The following DPY19L1 variants were observed in gnomAD, a reference collection of about 807,000 sequenced individuals.
DPY19L1 encodes protein C-mannosyl-transferase DPY19L1.
Under a neutral mutation model 96.9 loss-of-function variants are expected in DPY19L1, and 35 were observed. The observed-to-expected ratio is 0.36, with a 90% CI of 0.28 to 0.48. The LOEUF is 0.48. DPY19L1 is among the 20% of genes least tolerant of loss of function. DPY19L1 has a pLI of 0.99. For missense variants in DPY19L1, 521 were observed against 777.9 expected, an observed-to-expected ratio of 0.67 and a Z score of 3.93; for synonymous variants, 205 against 252.6, an observed-to-expected ratio of 0.81 and a Z score of 1.79.
intron 7 of DPY19L1, among the ~76,000 whole-genome samples, chr7:34,981,372 G>A (rs1052986959): frequency 1.3e-5 from 2 of 152,162 alleles, no homozygotes; most frequent in Non-Finnish European, 2.9e-5. Context: ...CATTTGCAAT[G>A]GCTAATGTAA....
intron 9 of DPY19L1, among the ~76,000 whole-genome samples, chr7:34,968,508 C>A (rs376331): frequency 1.3e-5 from 2 of 152,088 alleles, no homozygotes; most frequent in Admixed American, 6.5e-5. Flanking sequence ...CAGTGGCTCA[C>A]GCCTGTAATC....
intron 6 of DPY19L1, among the ~76,000 whole-genome samples, chr7:35,002,181 A>C (rs1350022809): frequency 1.3e-5 from 2 of 151,648 alleles, no homozygotes; most frequent in African/African-American, 4.8e-5. Flanking sequence ...CCACACACAC[A>C]AGCTAGAAGA....
intron 10 of DPY19L1, among the ~76,000 whole-genome samples, chr7:34,959,925 T>TTA (rs66774079): frequency 3.9e-5 from 5 of 127,954 alleles, no homozygotes; most frequent in Non-Finnish European, 8.4e-5. Flanking sequence ...ATATATATAT[T>TTA]TATATATATA....
chr7:35,013,823 G>A, intron 3 of DPY19L1, 118 bp from the exon 4 acceptor site: 1 of 662,402 alleles, frequency 1.5e-6, no homozygotes, highest in East Asian at 3.2e-5. Flanking sequence ...TTAATACAAT[G>A]AATTTCACAG....
At chr7:34,968,859 A>G (rs1205539539) in intron 9 of DPY19L1, among the ~76,000 whole-genome samples, 1 of 151,530 alleles carries the variant, frequency 6.6e-6, no homozygotes. Context: ...ACGCAGGGAG[A>G]AAAATGAATA....
At chr7:34,956,718 T>C (rs1475664963) in intron 11 of DPY19L1, among the ~76,000 whole-genome samples, 4 of 152,016 alleles carry the variant, frequency 2.6e-5, no homozygotes, top group African/African-American at 9.7e-5. Flanking sequence ...TTAGCCAGGA[T>C]GGTCTCGATC....
intron 8 of DPY19L1, among the ~76,000 whole-genome samples, chr7:34,971,661 G>A (rs1383553313): frequency 1.3e-5 from 2 of 152,124 alleles, no homozygotes; most frequent in Admixed American, 1.3e-4. Flanking sequence ...GTAAAGACAG[G>A]TATTAAGACG....
chr7:35,028,778 G>A (rs1399380272), intron 1 of DPY19L1, among the ~76,000 whole-genome samples: 1 of 152,196 alleles, frequency 6.6e-6, no homozygotes, highest in Admixed American at 6.5e-5. Context: ...TAAACAAGGG[G>A]TGGATTATTC....
chr7:34,966,926 A>G lies in DPY19L1; in HGVS notation c.1060T>C (p.Cys354Arg), dbSNP rs1784622599. 2 of 1,545,834 alleles carry G rather than the reference A, an allele frequency of 1.3e-6. No homozygotes were observed. Among genetic ancestry groups the G allele is most frequent in the Non-Finnish European group, 1.7e-6 (2 of 1,147,526 alleles). The part of the protein sequence containing the change: ...AVYVVGYIDI[C>R]KLRKIIYIHM... The stretch of plus-strand genomic sequence containing the variant: ...ATATAAATGATCTTCCGTAATTTAC[A>G]TATATCAATGTACCCGACAACATAT... Residue 354 changes from cysteine to arginine, a missense_variant, in exon 10 of 22, where the codon TGT becomes CGT. Transcript: ENST00000638088.
At chr7:35,017,850 G>A in intron 3 of DPY19L1, 32 bp downstream of exon 3, 1 of 1,468,206 alleles carries the variant, frequency 6.8e-7, no homozygotes, top group Non-Finnish European at 9.4e-7. Flanking sequence ...AATTCCTAAA[G>A]TACTATGATG....
In DPY19L1 at chr7:34,966,904, T is replaced by C; in HGVS notation, c.1082A>G (p.Tyr361Cys). The change falls in exon 10 of 22, where the codon TAT becomes TGT. Residue 361 changes from tyrosine (Y) to cysteine (C), a missense_variant. Transcript: ENST00000638088. ...IDICKLRKII[Y>C]IHMISLALCF... The stretch of plus-strand genomic sequence containing the variant: ...ATAAAAAATTATTACCATGTGTATA[T>C]AAATGATCTTCCGTAATTTACATAT... 1 of 1,536,660 alleles carries C rather than the reference T, an allele frequency of 6.5e-7. No individual in the cohort carries two copies. The highest frequency in any genetic ancestry group is 8.8e-7 in the Non-Finnish European group (1 of 1,141,210).
intron 6 of DPY19L1, 21 bp from the exon 7 acceptor site, chr7:34,989,962 A>G (rs201649259): frequency 3.8e-6 from 6 of 1,598,508 alleles, no homozygotes; most frequent in Non-Finnish European, 5.1e-6. Flanking sequence ...AGAAAACATA[A>G]CTCAAATAAC....
chr7:34,983,139 T>C (rs1584235953), intron 7 of DPY19L1, among the ~76,000 whole-genome samples: 1 of 152,222 alleles, frequency 6.6e-6, no homozygotes, highest in Non-Finnish European at 1.5e-5. Flanking sequence ...TCTCTCTTCC[T>C]AGGTGCTTGA....
chr7:35,017,368 G>A (rs1192065409), intron 3 of DPY19L1, among the ~76,000 whole-genome samples: 7 of 151,294 alleles, frequency 4.6e-5, no homozygotes, highest in African/African-American at 7.3e-5. Flanking sequence ...GGTGGCGGGC[G>A]CCTGTAGTCC....
intron 4 of DPY19L1, 39 bp downstream of exon 4, chr7:35,013,529 T>A (rs753286920): frequency 1.9e-6 from 3 of 1,588,218 alleles, no homozygotes; most frequent in Non-Finnish European, 1.7e-6. Flanking sequence ...AAAAAGTTTT[T>A]ACAAAAGTGA....
At chr7:35,012,659 GATT>G (rs1469481579) in intron 4 of DPY19L1, among the ~76,000 whole-genome samples, 2 of 151,722 alleles carry the variant, frequency 1.3e-5, no homozygotes, top group Non-Finnish European at 2.9e-5. Context: ...AAAAAATTAT[GATT>G]ATAAAAATGA....
At chr7:35,032,149 C>T (rs1786274542) in intron 1 of DPY19L1, among the ~76,000 whole-genome samples, 1 of 152,140 alleles carries the variant, frequency 6.6e-6, no homozygotes, top group South Asian at 2.1e-4. Context: ...AGAAAACTAA[C>T]ATTTATTGAG....
intron 5 of DPY19L1, among the ~76,000 whole-genome samples, 200 bp from the exon 6 acceptor site, chr7:35,010,761 C>G (rs1007582304): frequency 4.6e-5 from 7 of 152,086 alleles, no homozygotes; most frequent in Admixed American, 3.3e-4. Flanking sequence ...GGTTTTAAAA[C>G]AGGGCTGCAA....
At chr7:35,016,255 A>G (rs957869335) in intron 3 of DPY19L1, among the ~76,000 whole-genome samples, 1 of 152,206 alleles carries the variant, frequency 6.6e-6, no homozygotes, top group Non-Finnish European at 1.5e-5. Flanking sequence ...GTGAGGTCAC[A>G]TCAAGGGCAA....
Sources: allele counts gnomAD v4.1 joint callset (sites outside exome capture counted in the v4.1 genomes callset), GRCh38; gene constraint gnomAD v4.1.1; transcripts MANE v1.5; gene names NCBI Gene and HGNC (gene_info 2026-07-23, HGNC 2026-07-21).